CD58: variants seen among roughly 807,000 people sequenced by gnomAD.
The protein encoded by CD58 is CD58 molecule.
A neutral mutation model predicts 27.6 loss-of-function variants in CD58; 14 were observed. The ratio of observed to expected loss-of-function variants is 0.51; its 90% CI spans 0.34 to 0.79. The LOEUF (loss-of-function observed/expected upper bound fraction) is 0.79. Among genes scored for constraint, CD58 ranks in the 30% least tolerant of loss-of-function variants. The probability of loss-of-function intolerance (pLI) is 0.02; values close to 1 mark genes in which losing one functional copy is unlikely to be tolerated. For missense variants in CD58, 268 were observed against 301.7 expected (o/e 0.89, Z 0.83); for synonymous variants, 117 against 103.8 (o/e 1.13, Z -0.77).
intron 2 of CD58, 25 bp downstream of exon 2, chr1:116,544,286 A>G (rs758034145): frequency 1.8e-5 from 27 of 1,539,976 alleles, no homozygotes; most frequent in African/African-American, 2.8e-5. Context: ...GCCATTTTAA[A>G]CAAATCAACT....
In CD58 at chr1:116,516,892, T is replaced by C. The variant is rs965222861; in HGVS notation, c.744-2070A>G. Among the ~76,000 whole-genome samples, 1 of 152,218 alleles carries C rather than the reference T, an allele frequency of 6.6e-6. No individual in the cohort carries two copies. Among genetic ancestry groups the C allele is most frequent in the African/African-American group, 2.4e-5 (1 of 41,452 alleles). ...GCTTCTTGTGGGAGGAGCCCTATTA[T>C]ATGCTTTCTCTGAATCCCACACAAT... On this transcript the variant is annotated intron_variant, in intron 5 of 5. Coordinates refer to ENST00000369489, the MANE Select transcript of CD58 (RefSeq NM_001779.3). The surrounding 1 kb of genome is among the most constrained non-coding windows in gnomAD (Gnocchi z 6.1).
intron 1 of CD58, among the ~76,000 whole-genome samples, chr1:116,564,389 T>C (rs912059342): frequency 3.3e-5 from 5 of 152,232 alleles, no homozygotes; most frequent in African/African-American, 9.6e-5. Flanking sequence ...AGTTCCAAAG[T>C]TGCTTCCACA....
Position 116,538,698 on chromosome 1 carries a change from T to C in CD58, c.365-2470A>G, listed in dbSNP as rs1657897946. Among the ~76,000 whole-genome samples, 3 of 152,172 alleles carry C rather than the reference T, an allele frequency of 2.0e-5. No individual in the cohort carries two copies. Among genetic ancestry groups the C allele is most frequent in the African/African-American group, 7.2e-5 (3 of 41,436 alleles). ...GTCTTTCATCCAGCACTTTCTGAAC[T>C]GAACAGAGGTGCATCATCAGCCCCA... On this transcript the variant is annotated intron_variant, in intron 2 of 5. Transcript: ENST00000369489. This position sits in a 1 kb window ranked among gnomAD's most constrained non-coding sequence, Gnocchi z 4.7.
chr1:116,530,704 T>C (rs1657576324), intron 3 of CD58, among the ~76,000 whole-genome samples: 1 of 152,216 alleles, frequency 6.6e-6, no homozygotes, highest in Non-Finnish European at 1.5e-5. Flanking sequence ...AGATCTAGTA[T>C]TTAACTGTTA....
chr1:116,518,813 C>A lies in CD58; in HGVS notation c.743+418G>T, dbSNP rs913141672. 4 of 1,019,306 alleles carry A rather than the reference C, an allele frequency of 3.9e-6. No individual in the cohort carries two copies. In the African/African-American group the frequency reaches 5.2e-5, roughly 13 times the overall value. The allele number at this position is 1,019,306 out of a possible 1,614,324, so 63.1% of individuals were successfully genotyped here. On this transcript the variant is annotated intron_variant, in intron 5 of 5. Transcript: ENST00000369489. The stretch of plus-strand genomic sequence containing the variant: ...TCCTGAAGTGAACCCTATCCCTGAT[C>A]CAACTTTTTCTGGGATGGGAGGTGG...
In CD58 at chr1:116,536,028, G is replaced by A. The variant is rs779617354; in HGVS notation, c.565C>T (p.Leu189Phe). ...NDLPQKIQCT[L>F]SNPLFNTTSS... The stretch of plus-strand genomic sequence containing the variant: ...GTTGTATTAAATAATGGATTGCTAA[G>A]AGTACACTGTATTTTTTGTGGAAGA... The change falls in exon 3 of 6, where the codon CTT (leucine) becomes TTT (phenylalanine). Residue 189 changes from leucine (L) to phenylalanine (F), a missense_variant. By Grantham distance (22) the Leu-to-Phe change is conservative. Transcript: ENST00000369489. This position sits in a 1 kb window ranked among gnomAD's most constrained non-coding sequence, Gnocchi z 5.4. 8.1e-6 allele frequency: 13 copies of A among 1,612,638 alleles called. No homozygotes were observed. The South Asian group carries it at 9.9e-5, about 12-fold the overall frequency.
intron 1 of CD58, among the ~76,000 whole-genome samples, chr1:116,545,712 C>T (rs1375528730): frequency 1.3e-5 from 2 of 152,142 alleles, no homozygotes; most frequent in Non-Finnish European, 2.9e-5. Flanking sequence ...CATCTCTGCC[C>T]AGCCCTATTA....
intron 1 of CD58, among the ~76,000 whole-genome samples, chr1:116,545,089 C>T (rs768639361): frequency 6.6e-6 from 1 of 152,096 alleles, no homozygotes; most frequent in Non-Finnish European, 1.5e-5. Context: ...AAGCAGCACC[C>T]CCAAAGGAAG....
chr1:116,530,209 CT>C lies in CD58; in HGVS notation c.628+5755del, dbSNP rs113109056. Among the ~76,000 whole-genome samples, 1,176 of 143,252 alleles carry C rather than the reference CT, an allele frequency of 8.2e-3. 14 individuals carry two copies. The highest frequency in any genetic ancestry group is 0.024 in the African/African-American group (961 of 39,366). The allele number at this position is 143,252 out of a possible 152,430, so 94.0% of individuals were successfully genotyped here. A position where few individuals can be genotyped will look rare whatever the true frequency, so the allele number is the denominator to read the frequency against. On this transcript the variant is annotated intron_variant, in intron 3 of 5. Coordinates refer to ENST00000369489, the MANE Select transcript of CD58 (RefSeq NM_001779.3). ...ACCTGGTTGACCCTGTCTCCTCATT[CT>C]TTTTTTTTTTTTTGAGACGGAATCT...
intron 1 of CD58, among the ~76,000 whole-genome samples, chr1:116,568,472 CATCACCCCTTT>C (rs1286377629): frequency 6.6e-6 from 1 of 152,158 alleles, no homozygotes; most frequent in Non-Finnish European, 1.5e-5. Context: ...TAACGACTTC[CATCACCCCTTT>C]CTTTGCTTTA....
chr1:116,547,519 CG>C (rs1367413059), intron 1 of CD58, among the ~76,000 whole-genome samples: 3 of 151,624 alleles, frequency 2.0e-5, no homozygotes, highest in African/African-American at 7.3e-5. Context: ...TTAGTAAAGA[CG>C]GGGTTTCACC....
chr1:116,570,568 C>G lies in CD58; in HGVS notation c.70+335G>C, dbSNP rs1659107280. ...TGCAGTCCGCTGAAGCGCTCAGCGA[C>G]GTTACTGGGGAAGCCCAGGAAGGAA... On this transcript the variant is annotated intron_variant, in intron 1 of 5. Coordinates refer to ENST00000369489, the MANE Select transcript of CD58 (RefSeq NM_001779.3). This position sits in a 1 kb window ranked among gnomAD's most constrained non-coding sequence, Gnocchi z 6.4. Among the ~76,000 whole-genome samples, 3 of 151,926 alleles carry G rather than the reference C, an allele frequency of 2.0e-5. No homozygotes were observed. The South Asian group carries it at 6.2e-4, about 31-fold the overall frequency.
intron 1 of CD58, among the ~76,000 whole-genome samples, chr1:116,545,867 G>A (rs1658151373): frequency 6.6e-6 from 1 of 152,170 alleles, no homozygotes; most frequent in Non-Finnish European, 1.5e-5. Flanking sequence ...CTTGCTCTAG[G>A]ACTTGTCTCT....
intron 3 of CD58, among the ~76,000 whole-genome samples, chr1:116,526,217 ATTCT>A (rs997487324): frequency 1.3e-5 from 2 of 152,134 alleles, no homozygotes. Context: ...CAGCTTACCA[ATTCT>A]TTCTTTCATG....
chr1:116,530,716 A>G (rs946924039), intron 3 of CD58, among the ~76,000 whole-genome samples: 1 of 152,176 alleles, frequency 6.6e-6, no homozygotes, highest in African/African-American at 2.4e-5. Flanking sequence ...TAACTGTTAT[A>G]CTTTCATGGA....
Position 116,552,227 on chromosome 1 carries a change from T to C in CD58, c.71-7623A>G, listed in dbSNP as rs951569029. On this transcript the variant is annotated intron_variant, in intron 1 of 5. Coordinates refer to ENST00000369489, the MANE Select transcript of CD58 (RefSeq NM_001779.3). The surrounding 1 kb of genome is among the most constrained non-coding windows in gnomAD (Gnocchi z 4.5). ...AGGGAGGCCAGGAGAAGGAGAAAGA[T>C]GGGGAGAACAGCCAGTCAGTGGAGC... Among the ~76,000 whole-genome samples, 1 of 152,170 alleles carries C rather than the reference T, an allele frequency of 6.6e-6. No individual in the cohort carries two copies. The highest frequency in any genetic ancestry group is 1.5e-5 in the Non-Finnish European group (1 of 68,022).
chr1:116,557,175 C>T lies in CD58; in HGVS notation c.71-12571G>A, dbSNP rs1465587760. ...CTTAAATGTAGTTCAAAAGATAAGG[C>T]TTCCTGACAGAATAGCAAAATTTGA... is the stretch of plus-strand genomic sequence containing the variant. On this transcript the variant is annotated intron_variant, in intron 1 of 5. Transcript: ENST00000369489. The surrounding 1 kb of genome is among the most constrained non-coding windows in gnomAD (Gnocchi z 5.2). Among the ~76,000 whole-genome samples, 2 of 152,176 alleles carry T rather than the reference C, an allele frequency of 1.3e-5. No homozygotes were observed. The highest frequency in any genetic ancestry group is 4.8e-5 in the African/African-American group (2 of 41,446).
In CD58 at chr1:116,563,731, T is replaced by C. The variant is rs368242744; in HGVS notation, c.70+7172A>G. Among the ~76,000 whole-genome samples, 30 of 152,280 alleles carry C rather than the reference T, an allele frequency of 2.0e-4. 3 individuals are homozygous for C. In the East Asian group the frequency reaches 2.7e-3, roughly 14 times the overall value. ...ACAGCTGGCATGCAGGGCTCCATGT[T>C]TGGAGGCTGCAAAGAGCAGGGGGGC... On this transcript the variant is annotated intron_variant, in intron 1 of 5. Coordinates refer to ENST00000369489, the MANE Select transcript of CD58 (RefSeq NM_001779.3). The surrounding 1 kb of genome is among the most constrained non-coding windows in gnomAD (Gnocchi z 4.1).
In CD58 at chr1:116,557,321, G is replaced by A. The variant is rs759946400; in HGVS notation, c.71-12717C>T. On this transcript the variant is annotated intron_variant, in intron 1 of 5. Coordinates refer to ENST00000369489, the MANE Select transcript of CD58 (RefSeq NM_001779.3). The surrounding 1 kb of genome is among the most constrained non-coding windows in gnomAD (Gnocchi z 5.2). ...TTAACTGGAGCTTAAAAATAAAATG[G>A]CTCAGGAGCCCTCATATACAACCAA... is the stretch of plus-strand genomic sequence containing the variant. 1.3e-5 allele frequency among the ~76,000 whole-genome samples: 2 copies of A among 152,114 alleles called. No homozygotes were observed. Among genetic ancestry groups the A allele is most frequent in the Non-Finnish European group, 2.9e-5 (2 of 68,028 alleles).
Sources: allele counts gnomAD v4.1 joint callset (sites outside exome capture counted in the v4.1 genomes callset), GRCh38; gene constraint gnomAD v4.1.1; non-coding constraint Gnocchi (gnomAD v3.1); transcripts MANE v1.5; gene names NCBI Gene and HGNC (gene_info 2026-07-23, HGNC 2026-07-21).